The following CKMT2 variants were observed in gnomAD, a reference collection of about 807,000 sequenced individuals.
CKMT2 encodes the protein creatine kinase, mitochondrial 2.
CKMT2 carries 43 observed loss-of-function variants against 48.9 expected under a neutral mutation model. The ratio of observed to expected loss-of-function variants is 0.88; its 90% CI spans 0.69 to 1.13. The LOEUF is 1.13. CKMT2 is among the 50% of genes most tolerant of loss of function. CKMT2 has a pLI of 0.00. For missense variants in CKMT2, 472 were observed against 555.4 expected, an observed-to-expected ratio of 0.85 and a Z score of 1.51; for synonymous variants, 206 against 213.0, an observed-to-expected ratio of 0.97 and a Z score of 0.29.
intron 8 of CKMT2, among the ~76,000 whole-genome samples, chr5:81,261,092 A>G (rs1359569924): frequency 6.6e-6 from 1 of 152,256 alleles, no homozygotes; most frequent in Non-Finnish European, 1.5e-5. Context: ...AAACCATCCC[A>G]TGAACAGAAC....
chr5:81,250,978 C>CACACACACACACACACAG, intron 1 of CKMT2, 135 bp from the exon 2 acceptor site: 1 of 646,438 alleles, frequency 1.5e-6, no homozygotes, highest in South Asian at 1.8e-5. Context: ...CACACACACA[C>CACACACACACACACACAG]AGAAAGAGAG....
intron 1 of CKMT2, among the ~76,000 whole-genome samples, chr5:81,250,062 TTCTC>T (rs953927354): frequency 6.6e-5 from 10 of 152,378 alleles, no homozygotes; most frequent in Non-Finnish European, 1.0e-4. Context: ...TCTCTGTTTA[TTCTC>T]TCTTTCTGGG....
intron 1 of CKMT2, among the ~76,000 whole-genome samples, chr5:81,248,319 T>TA (rs1327787052): frequency 2.0e-5 from 3 of 152,240 alleles, no homozygotes; most frequent in African/African-American, 7.2e-5. Context: ...TTTAGGCCCA[T>TA]ACTGCCTGGA....
chr5:81,264,834 G>A lies in CKMT2; in HGVS notation c.1140+1218G>A, dbSNP rs1186951342. On this transcript the variant is annotated intron_variant, in intron 9 of 9. Coordinates refer to ENST00000254035, the MANE Select transcript of CKMT2 (RefSeq NM_001099735.2). ...ACCATTGTGAACATTATTCTAAATG[G>A]CCCTTCATTCTTTTTAAAAACTACC... 2.0e-5 allele frequency among the ~76,000 whole-genome samples: 3 copies of A among 151,808 alleles called. No homozygotes were observed. The East Asian group carries it at 5.8e-4, about 29-fold the overall frequency.
At chr5:81,257,141 AGTGTGTGTGTGTGTGTGT>A (rs3830407) in intron 6 of CKMT2, 141 bp downstream of exon 6, 91,357 of 498,462 alleles carry the variant, frequency 0.18, 6,190 homozygotes, top group Middle Eastern at 0.25. Context: ...CTACTTGGAA[AGTGTGTGTGTGTGTGTGT>A]GTGTGTGTGT....
intron 1 of CKMT2, 148 bp from the exon 2 acceptor site, chr5:81,250,965 A>ACACACACACACACG (rs1756786261): frequency 1.6e-6 from 1 of 640,552 alleles, no homozygotes; most frequent in African/African-American, 1.9e-5. Flanking sequence ...ACACACACAC[A>ACACACACACACACG]CACACACACA....
chr5:81,252,652 C>T (rs779203686), intron 2 of CKMT2, 43 bp from the exon 3 acceptor site: 8 of 1,605,664 alleles, frequency 5.0e-6, no homozygotes, highest in Non-Finnish European at 6.8e-6. Flanking sequence ...GGCCCCTTTC[C>T]TCGGGGGCTG....
At chr5:81,256,610 C>T (rs1321961175) in intron 5 of CKMT2, among the ~76,000 whole-genome samples, 1 of 152,190 alleles carries the variant, frequency 6.6e-6, no homozygotes, top group Non-Finnish European at 1.5e-5. Flanking sequence ...TGTATACCCG[C>T]TCCACAGTGA....
At chr5:81,236,588 A>G (rs1266744063) in intron 1 of CKMT2, among the ~76,000 whole-genome samples, 1 of 152,188 alleles carries the variant, frequency 6.6e-6, no homozygotes, top group East Asian at 1.9e-4. Context: ...GGTTTGACTC[A>G]GTCGGTGTAT....
At chr5:81,263,417 TGTCAGTAAAC>T in intron 8 of CKMT2, 64 bp from the exon 9 acceptor site, 1 of 1,077,116 alleles carries the variant, frequency 9.3e-7, no homozygotes, top group Non-Finnish European at 1.3e-6. Flanking sequence ...ATATGTCTTT[TGTCAGTAAAC>T]GCACCAATGA....
intron 1 of CKMT2, among the ~76,000 whole-genome samples, chr5:81,247,618 A>C (rs1304083268): frequency 6.6e-6 from 1 of 152,226 alleles, no homozygotes; most frequent in Non-Finnish European, 1.5e-5. Flanking sequence ...GCAAGCCTTG[A>C]TTCTGGGTCT....
At chr5:81,259,941 C>CACTT (rs1325059039) in intron 8 of CKMT2, among the ~76,000 whole-genome samples, 1 of 152,184 alleles carries the variant, frequency 6.6e-6, no homozygotes, top group Non-Finnish European at 1.5e-5. Context: ...CATCACATCG[C>CACTT]ACTTATTGTA....
chr5:81,244,847 A>AT (rs71000809), intron 1 of CKMT2: 1,339 of 113,576 alleles, frequency 0.012, 15 homozygotes, highest in African/African-American at 0.021. Flanking sequence ...CCCCCTCACT[A>AT]TTTTTTTTTT....
Sources: allele counts gnomAD v4.1 joint callset (sites outside exome capture counted in the v4.1 genomes callset), GRCh38; gene constraint gnomAD v4.1.1; transcripts MANE v1.5; gene names NCBI Gene and HGNC (gene_info 2026-07-23, HGNC 2026-07-21).